The following HHAT variants were observed in gnomAD, a reference collection of about 807,000 sequenced individuals.
HHAT encodes the protein protein-cysteine N-palmitoyltransferase HHAT.
A neutral mutation model predicts 70.8 loss-of-function variants in HHAT; 47 were observed. The ratio of observed to expected loss-of-function variants is 0.66; its 90% CI spans 0.53 to 0.85. The LOEUF is 0.85. Ranked by LOEUF, HHAT falls within the 40% of genes least tolerant of loss-of-function variation. The pLI is 0.00. For synonymous variants in HHAT, 228 were observed against 247.6 expected, an observed-to-expected ratio of 0.92 and a Z score of 0.74; for missense variants, 609 against 604.8, an observed-to-expected ratio of 1.01 and a Z score of -0.07.
intron 6 of HHAT, among the ~76,000 whole-genome samples, chr1:210,406,915 C>T (rs2092354106): frequency 1.3e-5 from 2 of 152,174 alleles, no homozygotes; most frequent in Non-Finnish European, 2.9e-5. Flanking sequence ...CTCTCTCTCT[C>T]TTCTTTTTTA....
At chr1:210,431,958 A>G (rs924258104) in intron 7 of HHAT, among the ~76,000 whole-genome samples, 7 of 151,934 alleles carry the variant, frequency 4.6e-5, no homozygotes, top group African/African-American at 1.7e-4. Flanking sequence ...TCTTAAAACA[A>G]TTAATTTGAG....
intron 7 of HHAT, among the ~76,000 whole-genome samples, chr1:210,426,987 A>G (rs561378586): frequency 5.3e-5 from 8 of 152,058 alleles, no homozygotes; most frequent in African/African-American, 2.4e-5. Context: ...TTTGGTTGGT[A>G]AGTTATTTAT....
At chr1:210,646,293 A>C (rs1200590493) in intron 11 of HHAT, among the ~76,000 whole-genome samples, 1 of 152,222 alleles carries the variant, frequency 6.6e-6, no homozygotes, top group Non-Finnish European at 1.5e-5. Context: ...AAAAGGGACT[A>C]TGCATATTAT....
rs142308872 is a variant in HHAT, at chr1:210,670,031, G to A, written c.1391-4257G>A. ...ATGGGTGGGGGACAGTGGACTGCAG[G>A]GGGAGGAAGTCAGAGTTTGTCAGGG... On this transcript the variant is annotated intron_variant, in intron 11 of 11. Transcript: ENST00000261458. 2.2e-3 allele frequency among the ~76,000 whole-genome samples: 331 copies of A among 152,246 alleles called. 1 individual carries two copies. The highest frequency in any genetic ancestry group is 7.6e-3 in the African/African-American group (315 of 41,534).
chr1:210,354,612 T>C (rs1285219805), intron 2 of HHAT, among the ~76,000 whole-genome samples: 1 of 152,180 alleles, frequency 6.6e-6, no homozygotes, highest in Non-Finnish European at 1.5e-5. Flanking sequence ...TCTTCCTGCC[T>C]CGGCCTCCCA....
At chr1:210,585,945 G>A (rs532554843) in intron 9 of HHAT, among the ~76,000 whole-genome samples, 1 of 152,200 alleles carries the variant, frequency 6.6e-6, no homozygotes, top group African/African-American at 2.4e-5. Context: ...ATTGCAGGTG[G>A]GGGGTTCGTT....
chr1:210,634,142 G>A (rs184591121), intron 11 of HHAT, among the ~76,000 whole-genome samples: 207 of 152,308 alleles, frequency 1.4e-3, no homozygotes, highest in African/African-American at 4.8e-3. Flanking sequence ...CAGGGGCAAT[G>A]TCTAAGAGAG....
intron 8 of HHAT, among the ~76,000 whole-genome samples, chr1:210,477,983 A>G (rs1007527999): frequency 2.6e-5 from 4 of 152,202 alleles, no homozygotes; most frequent in Admixed American, 6.5e-5. Flanking sequence ...ATAGCAATAT[A>G]TTTCCAAGAT....
chr1:210,360,812 A>G (rs1391187723), intron 2 of HHAT, among the ~76,000 whole-genome samples: 2 of 146,022 alleles, frequency 1.4e-5, no homozygotes, highest in Admixed American at 6.8e-5. Flanking sequence ...TTGAAATACA[A>G]TTTTGGATAT....
chr1:210,375,170 A>G (rs2090085357), intron 3 of HHAT, among the ~76,000 whole-genome samples: 1 of 152,198 alleles, frequency 6.6e-6, no homozygotes, highest in Admixed American at 6.5e-5. Context: ...CAACATGACA[A>G]AGATACAGAA....
chr1:210,595,700 G>A (rs1170158882), intron 10 of HHAT, among the ~76,000 whole-genome samples: 11 of 152,022 alleles, frequency 7.2e-5, no homozygotes, highest in South Asian at 6.2e-4. Context: ...TTTGATTTGC[G>A]TTTCTCTGAT....
chr1:210,483,914 A>G (rs1274632538), intron 8 of HHAT, among the ~76,000 whole-genome samples: 1 of 152,212 alleles, frequency 6.6e-6, no homozygotes, highest in African/African-American at 2.4e-5. Flanking sequence ...GCTGTGGTCA[A>G]AATGCTGTGA....
rs933241212 is a variant in HHAT, at chr1:210,612,977, T to G, written c.1246-10549T>G. On this transcript the variant is annotated intron_variant, in intron 10 of 11. Transcript: ENST00000261458. ...ATTTTTAAAGTTGGATTTTTTTGGT[T>G]GTTGTGTTATAGGAGTTCTTGATAT... is the stretch of plus-strand genomic sequence containing the variant. Among the ~76,000 whole-genome samples, 10 of 152,318 alleles carry G rather than the reference T, an allele frequency of 6.6e-5. No individual in the cohort carries two copies. In the East Asian group the frequency reaches 1.9e-3, roughly 29 times the overall value.
intron 9 of HHAT, among the ~76,000 whole-genome samples, chr1:210,531,734 T>C (rs925484766): frequency 1.3e-5 from 2 of 152,230 alleles, no homozygotes; most frequent in African/African-American, 4.8e-5. Flanking sequence ...AAAATGCCTC[T>C]CACAGGGTCT....
chr1:210,484,996 C>T (rs189217503), intron 8 of HHAT, among the ~76,000 whole-genome samples: 1 of 152,192 alleles, frequency 6.6e-6, no homozygotes, highest in East Asian at 1.9e-4. Flanking sequence ...TGGCTATGTG[C>T]AGAGTAAGAT....
intron 9 of HHAT, among the ~76,000 whole-genome samples, chr1:210,572,285 G>A (rs1656488984): frequency 6.6e-6 from 1 of 152,186 alleles, no homozygotes; most frequent in Non-Finnish European, 1.5e-5. Context: ...AGAGGGAGCA[G>A]CCTCCTCATT....
chr1:210,615,255 G>T (rs538548264), intron 10 of HHAT, among the ~76,000 whole-genome samples: 3 of 152,116 alleles, frequency 2.0e-5, no homozygotes, highest in Admixed American at 2.0e-4. Flanking sequence ...CTTTTTGATG[G>T]GGTTGTTTTT....
chr1:210,393,440 G>A (rs931346850), intron 4 of HHAT, among the ~76,000 whole-genome samples: 4 of 152,174 alleles, frequency 2.6e-5, no homozygotes, highest in African/African-American at 9.7e-5. Flanking sequence ...GGGAGTCACA[G>A]TTGAGTGGGA....
chr1:210,530,267 G>A (rs1375445002), intron 9 of HHAT, among the ~76,000 whole-genome samples: 1 of 152,032 alleles, frequency 6.6e-6, no homozygotes, highest in Non-Finnish European at 1.5e-5. Flanking sequence ...TAGCACATTT[G>A]AAATGTCATG....
Sources: allele counts gnomAD v4.1 joint callset (sites outside exome capture counted in the v4.1 genomes callset), GRCh38; gene constraint gnomAD v4.1.1; transcripts MANE v1.5; gene names NCBI Gene and HGNC (gene_info 2026-07-23, HGNC 2026-07-21).